PIERCE2: variants seen among roughly 807,000 people sequenced by gnomAD.
PIERCE2 encodes piercer of microtubule wall 2 protein.
At chr15:55,417,131 G>A in the PIERCE2 span, among the ~76,000 whole-genome samples, 1 of 152,102 alleles carries the variant, frequency 6.6e-6, no homozygotes, top group Non-Finnish European at 1.5e-5. Flanking sequence ...ATTACCTCAT[G>A]TCACTCCTCT....
At chr15:55,416,127 C>A in the PIERCE2 span, among the ~76,000 whole-genome samples, 1 of 151,508 alleles carries the variant, frequency 6.6e-6, no homozygotes, top group African/African-American at 2.4e-5. Flanking sequence ...GAGATAGAGT[C>A]TTTTGCTCTG....
chr15:55,412,108 A>G, the PIERCE2 span, among the ~76,000 whole-genome samples: 1 of 151,678 alleles, frequency 6.6e-6, no homozygotes, highest in East Asian at 1.9e-4. Context: ...AAAAAAAAAA[A>G]AAAAAAAAAA....
the PIERCE2 span, chr15:55,408,784 C>A: frequency 1.3e-6 from 2 of 1,522,428 alleles, no homozygotes; most frequent in African/African-American, 1.4e-5. Context: ...AGACCGCAAC[C>A]GGGTGAGTTT....
chr15:55,408,503 C>A, the PIERCE2 span: 1 of 335,300 alleles, frequency 3.0e-6, no homozygotes, highest in Non-Finnish European at 5.4e-6. Context: ...CAGATCCCCA[C>A]AACATCCGGG....
chr15:55,411,801 A>G, the PIERCE2 span, among the ~76,000 whole-genome samples: 1 of 152,094 alleles, frequency 6.6e-6, no homozygotes, highest in Non-Finnish European at 1.5e-5. Flanking sequence ...CATGCCTGTA[A>G]TCACAGCTAC....
chr15:55,411,688 G>A, the PIERCE2 span, among the ~76,000 whole-genome samples: 1 of 151,950 alleles, frequency 6.6e-6, no homozygotes, highest in Non-Finnish European at 1.5e-5. Flanking sequence ...TTGGGAGGCC[G>A]AGGCGGGCGG....
the PIERCE2 span, among the ~76,000 whole-genome samples, chr15:55,412,017 G>A: frequency 2.0e-3 from 292 of 148,594 alleles, 1 homozygote; most frequent in Middle Eastern, 7.2e-3. Context: ...CTTGAACCCA[G>A]GAGGCAGAGG....
chr15:55,418,336 A>G, the PIERCE2 span: 1 of 1,541,128 alleles, frequency 6.5e-7, no homozygotes, highest in African/African-American at 1.4e-5. Context: ...ATCCAAAGAC[A>G]CTCCAGACAG....
chr15:55,408,824 G>T, the PIERCE2 span: 1 of 1,477,528 alleles, frequency 6.8e-7, no homozygotes, highest in Non-Finnish European at 9.1e-7. Flanking sequence ...TGGGAATGTT[G>T]GTATTCGCTA....
At chr15:55,409,160 A>G in the PIERCE2 span, among the ~76,000 whole-genome samples, 1 of 152,138 alleles carries the variant, frequency 6.6e-6, no homozygotes, top group African/African-American at 2.4e-5. Flanking sequence ...AATCCCAGCA[A>G]TTTGGGAGGC....
chr15:55,410,554 C>T, the PIERCE2 span: 1 of 152,272 alleles, frequency 6.6e-6, no homozygotes, highest in South Asian at 2.1e-4. Flanking sequence ...GTGGCTGAGG[C>T]AAGAGAATCG....
the PIERCE2 span, chr15:55,418,242 C>A: frequency 2.6e-6 from 4 of 1,564,840 alleles, no homozygotes. Context: ...AGTACTTCAC[C>A]TTCAAATTCA....
At chr15:55,413,117 A>C in the PIERCE2 span, among the ~76,000 whole-genome samples, 117 of 152,092 alleles carry the variant, frequency 7.7e-4, no homozygotes, top group Admixed American at 1.5e-3. Flanking sequence ...AAATACAAAA[A>C]ATTAGCCGGG....
chr15:55,417,998 C>T, the PIERCE2 span: 26,347 of 799,012 alleles, frequency 0.033, 486 homozygotes, highest in African/African-American at 0.047. Flanking sequence ...AGGCAGGAAC[C>T]GGCCATTTTC....
At chr15:55,418,673 A>T in the PIERCE2 span, 2 of 795,752 alleles carry the variant, frequency 2.5e-6, no homozygotes, top group Non-Finnish European at 3.7e-6. Context: ...GTTTTGAATC[A>T]ATTTTTAAAA....
chr15:55,418,095 A>T, the PIERCE2 span: 1 of 1,584,084 alleles, frequency 6.3e-7, no homozygotes, highest in Non-Finnish European at 8.5e-7. Flanking sequence ...GCTTGGGCTC[A>T]GAGGCCTGAC....
chr15:55,408,802 G>A, the PIERCE2 span: 30 of 1,513,184 alleles, frequency 2.0e-5, no homozygotes, highest in Admixed American at 4.7e-4. Flanking sequence ...TTTAGGCAGA[G>A]GGCTAGATGT....
chr15:55,415,285 T>A, the PIERCE2 span, among the ~76,000 whole-genome samples: 1 of 151,926 alleles, frequency 6.6e-6, no homozygotes, highest in Non-Finnish European at 1.5e-5. Flanking sequence ...CTGGCCAACA[T>A]GGTGAAACCC....
the PIERCE2 span, among the ~76,000 whole-genome samples, chr15:55,413,112 C>CA: frequency 6.6e-6 from 1 of 151,850 alleles, no homozygotes; most frequent in Admixed American, 6.6e-5. Context: ...ACTAAAAATA[C>CA]AAAAAATTAG....
Sources: allele counts gnomAD v4.1 joint callset (sites outside exome capture counted in the v4.1 genomes callset), GRCh38; gene constraint gnomAD v4.1.1; transcripts MANE v1.5; gene names NCBI Gene and HGNC (gene_info 2026-07-23, HGNC 2026-07-21).